The following CNTRL variants were observed in gnomAD, a reference collection of about 807,000 sequenced individuals.
CNTRL encodes 110 kDa centrosomal protein.
CNTRL carries 233 observed loss-of-function variants against 303.7 expected under a neutral mutation model. The observed-to-expected ratio is 0.77, with a 90% confidence interval of 0.69 to 0.86. CNTRL has a LOEUF of 0.86. Among genes scored for constraint, CNTRL ranks in the 40% least tolerant of loss-of-function variants. The pLI is 0.00. For synonymous variants in CNTRL, 900 were observed against 922.2 expected (o/e 0.98, Z 0.44); for missense variants, 2,524 against 2,650.6 (o/e 0.95, Z 1.05).
chr9:121,129,918 T>G (rs544468870), intron 14 of CNTRL, among the ~76,000 whole-genome samples: 6 of 152,358 alleles, frequency 3.9e-5, no homozygotes, highest in African/African-American at 1.4e-4. Context: ...TTAGTTCTGT[T>G]TATGTGATGG....
At chr9:121,100,243 G>A (rs199712850) in intron 7 of CNTRL, among the ~76,000 whole-genome samples, 6 of 152,164 alleles carry the variant, frequency 3.9e-5, no homozygotes, top group East Asian at 1.9e-4. Flanking sequence ...AAGAGAGTAG[G>A]GGCCAATATT....
At chr9:121,103,846 G>C (rs2049312268) in intron 7 of CNTRL, among the ~76,000 whole-genome samples, 1 of 152,214 alleles carries the variant, frequency 6.6e-6, no homozygotes, top group African/African-American at 2.4e-5. Context: ...ACACCAGTTA[G>C]AATGGCAATC....
At chr9:121,113,286 A>C (rs2049833539) in intron 9 of CNTRL, among the ~76,000 whole-genome samples, 1 of 152,200 alleles carries the variant, frequency 6.6e-6, no homozygotes, top group Non-Finnish European at 1.5e-5. Context: ...TGGTAAGAGG[A>C]AGAATTCTTT....
chr9:121,167,138 C>T (rs568439276), intron 36 of CNTRL, among the ~76,000 whole-genome samples: 2 of 151,998 alleles, frequency 1.3e-5, no homozygotes, highest in East Asian at 1.9e-4. Context: ...GGTGAAACCC[C>T]GTCTCTACGA....
chr9:121,142,652 C>A lies in CNTRL; in HGVS notation c.2871+382C>A, dbSNP rs547294352. 3.1e-4 allele frequency among the ~76,000 whole-genome samples: 47 copies of A among 152,310 alleles called. No homozygotes were observed. The South Asian group carries it at 7.7e-3, about 25-fold the overall frequency. ...CTGCCTCTCTTTAATGGCTTTTCTC[C>A]ATTCCACCTCAACCATCTACTCCCA... On this transcript the variant is annotated intron_variant, in intron 19 of 43. Coordinates refer to ENST00000373855, the MANE Select transcript of CNTRL (RefSeq NM_007018.6).
At chr9:121,096,315 T>C in intron 5 of CNTRL, 107 bp from the exon 6 acceptor site, 1 of 700,854 alleles carries the variant, frequency 1.4e-6, no homozygotes, top group East Asian at 3.4e-5. Context: ...TAAATTATCA[T>C]TATGAAAAGT....
intron 14 of CNTRL, among the ~76,000 whole-genome samples, chr9:121,132,055 C>T (rs902414774): frequency 5.9e-5 from 9 of 152,124 alleles, no homozygotes; most frequent in Non-Finnish European, 1.0e-4. Flanking sequence ...TCTCTGGCTG[C>T]CCTTACATTT....
intron 8 of CNTRL, 58 bp from the exon 9 acceptor site, chr9:121,112,401 C>A: frequency 6.5e-7 from 1 of 1,529,690 alleles, no homozygotes. Flanking sequence ...CATATCATCA[C>A]ACCTTTATAC....
At chr9:121,166,226 C>CG (rs2053085196) in intron 36 of CNTRL, 46 bp downstream of exon 36, 3 of 1,351,992 alleles carry the variant, frequency 2.2e-6, no homozygotes, top group Non-Finnish European at 1.0e-6. Context: ...TGAGGGTATG[C>CG]AGACCATTGG....
At position 121,146,251 on chromosome 9, in the gene CNTRL, T is replaced by A. The variant is rs776179683; in HGVS notation, c.3454T>A (p.Ser1152Thr). Residue 1152 changes from serine to threonine, a missense_variant, in exon 23 of 44, where the codon TCA becomes ACA. Ser to Thr is a moderately conservative substitution (Grantham distance 58). Coordinates refer to ENST00000373855, the MANE Select transcript of CNTRL (RefSeq NM_007018.6). The stretch of plus-strand genomic sequence containing the variant: ...GTACTTTATGCCACCACCACCATCA[T>A]CAAAAGTAGGAATTCTGTGGTGTTG... ...YWYFMPPPPSSKVSSHSSQAT... is the reference protein window; with the variant it reads ...YWYFMPPPPSTKVSSHSSQAT... The A allele has an allele frequency of 3.1e-6, 5 of 1,606,608 alleles. No homozygotes were observed. In the East Asian group the frequency reaches 1.1e-4, roughly 36 times the overall value.
Position 121,157,891 on chromosome 9 carries a change from C to T in CNTRL, c.4637+11C>T. The T allele has an allele frequency of 6.2e-7, 1 of 1,613,822 alleles. No individual in the cohort carries two copies. The highest frequency in any genetic ancestry group is 1.3e-5 in the African/African-American group (1 of 74,954). On this transcript the variant is annotated intron_variant, in intron 29 of 43. Transcript: ENST00000373855. ...AAAACTGACAGAAGAGTAAGTAAGG[C>T]CTCTGTAGGGCTACAAGGGGTTTGT...
Position 121,166,178 on chromosome 9 carries a change from C to T in CNTRL, c.5653C>T (p.Gln1885Ter). ...NVQDHLNLAK[Q>*]DLLHTTKHQD... is the part of the protein sequence containing the mutation. The stretch of plus-strand genomic sequence containing the variant: ...CCAAGACCATTTGAACCTAGCAAAA[C>T]AGGTAAGGTTAACAAATGTAATATT... Residue 1885 changes from glutamine (Q) to a stop codon, truncating the protein, a stop_gained and splice_region_variant, in exon 36 of 44, where the codon CAG becomes TAG. Transcript: ENST00000373855. LOFTEE classifies it high-confidence loss of function. The T allele has an allele frequency of 6.2e-7, 1 of 1,607,104 alleles. No individual in the cohort carries two copies. Among genetic ancestry groups the T allele is most frequent in the Non-Finnish European group, 8.5e-7 (1 of 1,175,438 alleles).
At chr9:121,127,600 T>C (rs1450144040) in intron 14 of CNTRL, among the ~76,000 whole-genome samples, 1 of 152,124 alleles carries the variant, frequency 6.6e-6, no homozygotes, top group Non-Finnish European at 1.5e-5. Flanking sequence ...CACCAATTAC[T>C]ATTTTAACAC....
intron 2 of CNTRL, among the ~76,000 whole-genome samples, chr9:121,081,818 G>A (rs10760143): frequency 0.38 from 58,174 of 152,014 alleles, 12,561 homozygotes; most frequent in South Asian, 0.64. Flanking sequence ...TTATGTAGGC[G>A]TGATTGCTCA....
chr9:121,101,268 A>G (rs938661697), intron 7 of CNTRL, among the ~76,000 whole-genome samples: 10 of 152,204 alleles, frequency 6.6e-5, no homozygotes, highest in Non-Finnish European at 1.2e-4. Flanking sequence ...GCTCAACTAC[A>G]TGGAAACTGA....
At chr9:121,106,015 A>G (rs2049449951) in intron 7 of CNTRL, among the ~76,000 whole-genome samples, 1 of 152,202 alleles carries the variant, frequency 6.6e-6, no homozygotes, top group African/African-American at 2.4e-5. Context: ...AAAGCCAGAA[A>G]ACAAAAAAAC....
chr9:121,130,765 A>T (rs2050809264), intron 14 of CNTRL, among the ~76,000 whole-genome samples: 1 of 152,154 alleles, frequency 6.6e-6, no homozygotes, highest in South Asian at 2.1e-4. Flanking sequence ...TCTTGTGGGC[A>T]TTTAGTGCTA....
chr9:121,121,029 T>A (rs1356934128), intron 12 of CNTRL, among the ~76,000 whole-genome samples: 1 of 152,230 alleles, frequency 6.6e-6, no homozygotes, highest in Admixed American at 6.5e-5. Flanking sequence ...TGTGAGCCTT[T>A]AAGCAGAAGA....
chr9:121,110,595 T>C (rs1212767934), intron 8 of CNTRL, among the ~76,000 whole-genome samples: 1 of 152,180 alleles, frequency 6.6e-6, no homozygotes, highest in Non-Finnish European at 1.5e-5. Context: ...GCCTGAACTG[T>C]GTTTTTCAGG....
Sources: allele counts gnomAD v4.1 joint callset (sites outside exome capture counted in the v4.1 genomes callset), GRCh38; gene constraint gnomAD v4.1.1; transcripts MANE v1.5; gene names NCBI Gene and HGNC (gene_info 2026-07-23, HGNC 2026-07-21).